Variants in ANGPT1 observed in about 807,000 individuals in gnomAD.
The protein encoded by ANGPT1 is angiopoietin-1.
In ANGPT1, 17 loss-of-function variants were observed where a neutral mutation model predicts 62.2. The observed-to-expected ratio is 0.27, with a 90% CI of 0.19 to 0.41. The LOEUF (loss-of-function observed/expected upper bound fraction) is 0.41, where lower values mean the gene tolerates loss of function less well. Among genes scored for constraint, ANGPT1 ranks in the 10% least tolerant of loss-of-function variants. The pLI is 1.00. For missense variants in ANGPT1, 478 were observed against 594.9 expected, an observed-to-expected ratio of 0.80 and a Z score of 2.04; for synonymous variants, 199 against 198.9, an observed-to-expected ratio of 1.00 and a Z score of 0.00.
intron 1 of ANGPT1, among the ~76,000 whole-genome samples, chr8:107,373,587 A>T (rs1816461263): frequency 6.6e-6 from 1 of 152,218 alleles, no homozygotes; most frequent in South Asian, 2.1e-4. Flanking sequence ...CTCCAAAAAG[A>T]TACTATTTAC....
intron 1 of ANGPT1, among the ~76,000 whole-genome samples, chr8:107,465,328 G>T (rs1412174562): frequency 6.6e-6 from 1 of 152,122 alleles, no homozygotes; most frequent in East Asian, 1.9e-4. Flanking sequence ...AAATGTTAGG[G>T]ATGCTTTTTG....
At chr8:107,413,028 T>C (rs1335110644) in intron 1 of ANGPT1, among the ~76,000 whole-genome samples, 1 of 152,180 alleles carries the variant, frequency 6.6e-6, no homozygotes, top group Non-Finnish European at 1.5e-5. Flanking sequence ...GTGGCCAATA[T>C]GTATTACAAA....
intron 8 of ANGPT1, among the ~76,000 whole-genome samples, chr8:107,260,762 T>TA (rs1813472081): frequency 6.6e-6 from 1 of 152,220 alleles, no homozygotes; most frequent in African/African-American, 2.4e-5. Context: ...CACATTTACT[T>TA]AGACTATTCC....
chr8:107,389,968 C>A lies in ANGPT1; in HGVS notation c.298-42871G>T, dbSNP rs1319260265. Among the ~76,000 whole-genome samples, 5 of 134,186 alleles carry A rather than the reference C, an allele frequency of 3.7e-5. No homozygotes were observed. In the East Asian group the frequency reaches 1.0e-3, roughly 28 times the overall value. The allele number at this position is 134,186 out of a possible 152,430, so 88.0% of individuals were successfully genotyped here. On this transcript the variant is annotated intron_variant, in intron 1 of 8. Coordinates refer to ENST00000517746, the MANE Select transcript of ANGPT1 (RefSeq NM_001146.5). ...AAAAAAAATCATGCTGCAGTAAGCT[C>A]TTTGAGAGCACAAAATTGGCATTTT...
chr8:107,263,094 C>T (rs570410452), intron 8 of ANGPT1, among the ~76,000 whole-genome samples: 1 of 150,186 alleles, frequency 6.7e-6, no homozygotes, highest in South Asian at 2.1e-4. Context: ...TGGCTCATGC[C>T]TCTAATCCCA....
At position 107,497,523 on chromosome 8, in the gene ANGPT1, G is replaced by A. The variant is rs781574430; in HGVS notation, c.36C>T (p.Ala12=). 3.1e-6 allele frequency: 5 copies of A among 1,614,094 alleles called. No individual in the cohort carries two copies. Among genetic ancestry groups the A allele is most frequent in the Non-Finnish European group, 4.2e-6 (5 of 1,179,990 alleles). ...TVFLSFAFLA[A]ILTHIGCSNQ... ...TGCTGCACCCTATGTGAGTCAGAAT[G>A]GCAGCGAGGAAAGCAAAGGAAAGGA... is the stretch of plus-strand genomic sequence containing the variant. The change falls in exon 1 of 9, where the codon GCC becomes GCT. Residue 12 remains alanine, a synonymous_variant. Coordinates refer to ENST00000517746, the MANE Select transcript of ANGPT1 (RefSeq NM_001146.5).
At chr8:107,332,151 T>C (rs1398488755) in intron 3 of ANGPT1, among the ~76,000 whole-genome samples, 1 of 152,144 alleles carries the variant, frequency 6.6e-6, no homozygotes, top group African/African-American at 2.4e-5. Flanking sequence ...GTAGGAAACA[T>C]ACTGGAGGAA....
At chr8:107,472,888 A>T (rs2130501552) in intron 1 of ANGPT1, among the ~76,000 whole-genome samples, 1 of 152,158 alleles carries the variant, frequency 6.6e-6, no homozygotes, top group Non-Finnish European at 1.5e-5. Context: ...GTTAAAGAAG[A>T]AAAGTGTTGG....
At chr8:107,449,376 A>T (rs542332770) in intron 1 of ANGPT1, among the ~76,000 whole-genome samples, 3 of 133,642 alleles carry the variant, frequency 2.2e-5, no homozygotes, top group Non-Finnish European at 4.7e-5. Flanking sequence ...TTAATAAAGC[A>T]CCCACACACT....
intron 1 of ANGPT1, among the ~76,000 whole-genome samples, chr8:107,355,705 A>G (rs1816029670): frequency 6.6e-6 from 1 of 152,044 alleles, no homozygotes; most frequent in Non-Finnish European, 1.5e-5. Context: ...TATTTTTCAA[A>G]ACTCAGTTCA....
intron 1 of ANGPT1, among the ~76,000 whole-genome samples, chr8:107,367,035 T>G (rs1237252326): frequency 6.6e-6 from 1 of 152,112 alleles, no homozygotes; most frequent in Non-Finnish European, 1.5e-5. Context: ...CTTCAGAGAT[T>G]GCAGTCCCTG....
At chr8:107,360,828 G>A (rs1343996701) in intron 1 of ANGPT1, among the ~76,000 whole-genome samples, 1 of 152,040 alleles carries the variant, frequency 6.6e-6, no homozygotes, top group African/African-American at 2.4e-5. Context: ...CCACTCTCAC[G>A]CTTAGAAATA....
At chr8:107,303,102 C>CAGAGT (rs1467565784) in intron 5 of ANGPT1, 138 bp downstream of exon 5, 2 of 945,972 alleles carry the variant, frequency 2.1e-6, no homozygotes, top group Admixed American at 5.2e-5. Flanking sequence ...ACCTGGGAAA[C>CAGAGT]AGAGTATCTC....
At chr8:107,490,337 G>C (rs536571855) in intron 1 of ANGPT1, among the ~76,000 whole-genome samples, 1 of 152,122 alleles carries the variant, frequency 6.6e-6, no homozygotes, top group Non-Finnish European at 1.5e-5. Context: ...TTATCCACAG[G>C]CTGCTGGTCT....
chr8:107,267,069 G>T (rs964080022), intron 7 of ANGPT1, among the ~76,000 whole-genome samples: 1 of 151,440 alleles, frequency 6.6e-6, no homozygotes. Flanking sequence ...AAATATATAC[G>T]TATCTGAACA....
chr8:107,388,774 C>T (rs1816781358), intron 1 of ANGPT1, among the ~76,000 whole-genome samples: 1 of 152,098 alleles, frequency 6.6e-6, no homozygotes, highest in Non-Finnish European at 1.5e-5. Context: ...GAGTATGGAG[C>T]ATTTCCTGTG....
At position 107,277,199 on chromosome 8, in the gene ANGPT1, ATTAAG is replaced by A. The variant is rs1374038923; in HGVS notation, c.1205+7478_1205+7482del. On this transcript the variant is annotated intron_variant, in intron 7 of 8. Transcript: ENST00000517746. ...ACCATCTGTGACAGAGGATTTACTA[ATTAAG>A]TTAATAGCATAAAAGACAACAAAAT... Among the ~76,000 whole-genome samples, 10 of 152,278 alleles carry A rather than the reference ATTAAG, an allele frequency of 6.6e-5. No individual in the cohort carries two copies. In the East Asian group the frequency reaches 1.9e-3, roughly 29 times the overall value.
intron 3 of ANGPT1, among the ~76,000 whole-genome samples, chr8:107,327,550 T>C (rs1198218843): frequency 4.6e-5 from 7 of 152,152 alleles, no homozygotes; most frequent in African/African-American, 9.7e-5. Flanking sequence ...AAGAGTTTCA[T>C]TGTTAAGATT....
intron 1 of ANGPT1, among the ~76,000 whole-genome samples, chr8:107,482,226 T>G (rs910446241): frequency 6.6e-6 from 1 of 152,234 alleles, no homozygotes; most frequent in African/African-American, 2.4e-5. Flanking sequence ...AACAACTATT[T>G]GATTATGTTC....
Sources: gnomAD v4.1 joint callset for allele counts (sites outside exome capture counted in the v4.1 genomes callset) on GRCh38, gnomAD v4.1.1 for gene constraint, MANE v1.5 for transcripts, NCBI Gene and HGNC (gene_info 2026-07-23, HGNC 2026-07-21) for gene names.